The following CEP250 variants were observed in gnomAD, a reference collection of about 807,000 sequenced individuals.
CEP250 encodes centrosome-associated protein CEP250.
A neutral mutation model predicts 315.7 loss-of-function variants in CEP250; 242 were observed. That is an observed-to-expected ratio of 0.77 (90% CI 0.69 to 0.85). The LOEUF (loss-of-function observed/expected upper bound fraction) is 0.85, where lower values mean the gene tolerates loss of function less well. Ranked by LOEUF, CEP250 falls within the 40% of genes least tolerant of loss-of-function variation. The pLI is 0.00. For synonymous variants in CEP250, 1,088 were observed against 1,175.0 expected (o/e 0.93, Z 1.51); for missense variants, 2,515 against 2,886.4 (o/e 0.87, Z 2.95).
intron 17 of CEP250, 112 bp from the exon 18 acceptor site, chr20:35,479,119 G>T (rs2063263006): frequency 2.0e-6 from 2 of 1,023,486 alleles, no homozygotes; most frequent in Non-Finnish European, 2.9e-6. Flanking sequence ...AGCAATCCGG[G>T]CTCACAGAGC....
intron 20 of CEP250, among the ~76,000 whole-genome samples, chr20:35,487,646 C>A (rs910806988): frequency 6.6e-6 from 1 of 151,602 alleles, no homozygotes; most frequent in Non-Finnish European, 1.5e-5. Context: ...ATGGAGAAGT[C>A]ACTCAGGGCT....
chr20:35,504,293 C>T lies in CEP250; in HGVS notation c.5924C>T (p.Ala1975Val), dbSNP rs1324937611. 6.3e-7 allele frequency: 1 copy of T among 1,587,596 alleles called. No individual in the cohort carries two copies. Among genetic ancestry groups the T allele is most frequent in the Non-Finnish European group, 8.6e-7 (1 of 1,167,410 alleles). Residue 1975 changes from alanine (A) to valine (V), a missense_variant, in exon 30 of 35, where the codon GCT becomes GTT. Transcript: ENST00000397527. ...CAGGAGGCCCTTGGCAAGGCTCATG[C>T]TGCCCTGCAGGGGAAAGAGCAGCAT... ...ALQEALGKAH[A>V]ALQGKEQHLL...
intron 12 of CEP250, among the ~76,000 whole-genome samples, chr20:35,473,134 A>AAG (rs2063066594): frequency 6.6e-6 from 1 of 152,126 alleles, no homozygotes. Flanking sequence ...TGAGAGTCTT[A>AAG]GGCACACTTA....
rs1187205660 is a variant in CEP250, at chr20:35,469,850, A to C, written c.852-40A>C. 3 of 1,398,222 alleles carry C rather than the reference A, an allele frequency of 2.1e-6. No homozygotes were observed. The Admixed American group carries it at 5.3e-5, about 25-fold the overall frequency. 86.6% of individuals were successfully genotyped at this position (1,398,222 alleles called of 1,614,324 possible). ...CTGCATCGTAGCTCTGTCCACATCC[A>C]TGGGCTGTTCTGGTGACAGTGCTAT... On this transcript the variant is annotated intron_variant, in intron 9 of 34. Coordinates refer to ENST00000397527, the MANE Select transcript of CEP250 (RefSeq NM_007186.6).
rs1353937985 is a variant in CEP250, at chr20:35,514,642, G to A, written c.*3016G>A. 1 of 152,412 alleles carries A rather than the reference G, an allele frequency of 6.6e-6. No homozygotes were observed. The highest frequency in any genetic ancestry group is 2.4e-5 in the African/African-American group (1 of 41,454). The allele number at this position is 152,412 out of a possible 1,614,324, so 9.4% of individuals were successfully genotyped here. A position where few individuals can be genotyped will look rare whatever the true frequency, so the allele number is the denominator to read the frequency against. ...CACCCTGAAGGCAGAAAAACTGAAT[G>A]TACCCGTTAAAGGAGGAGAAGCTGG... On this transcript the variant is annotated 3_prime_UTR_variant, in exon 35 of 35. Transcript: ENST00000397527.
rs1218320761 is a variant in CEP250 at position 35,504,363 on chromosome 20, T to C, written c.5994T>C (p.Thr1998=). 1 of 1,598,220 alleles carries C rather than the reference T, an allele frequency of 6.3e-7. No individual in the cohort carries two copies. The highest frequency in any genetic ancestry group is 8.5e-7 in the Non-Finnish European group (1 of 1,172,408). The part of the protein sequence containing the change: ...AELSRSLEAS[T]ATLQASLDAC... ...TGAGCCGCAGTCTGGAGGCCAGCAC[T>C]GCAACCCTGCAAGCCTCCCTGGATG... Residue 1998 remains threonine, a synonymous_variant, in exon 30 of 35, where the codon ACT becomes ACC. Coordinates refer to ENST00000397527, the MANE Select transcript of CEP250 (RefSeq NM_007186.6).
chr20:35,465,075 G>T (rs1017696954), intron 5 of CEP250, among the ~76,000 whole-genome samples: 1 of 152,132 alleles, frequency 6.6e-6, no homozygotes, highest in East Asian at 1.9e-4. Flanking sequence ...TGAAGGGAAC[G>T]ATATACCGCT....
chr20:35,511,825 AT>A lies in CEP250; in HGVS notation c.*202del. 1 of 1,405,590 alleles carries A rather than the reference AT, an allele frequency of 7.1e-7. No individual in the cohort carries two copies. The highest frequency in any genetic ancestry group is 9.2e-7 in the Non-Finnish European group (1 of 1,083,982). The allele number at this position is 1,405,590 out of a possible 1,614,324, so 87.1% of individuals were successfully genotyped here. On this transcript the variant is annotated 3_prime_UTR_variant, in exon 35 of 35. Transcript: ENST00000397527. The stretch of plus-strand genomic sequence containing the variant: ...CTCACCTGGGAATGAGGCAAATTGC[AT>A]TTGCTTGCTCCCTATGGAATCACCC...
At position 35,479,339 on chromosome 20, in the gene CEP250, G is replaced by A. The variant is rs772323517; in HGVS notation, c.2203G>A (p.Val735Ile). 1.2e-6 allele frequency: 2 copies of A among 1,614,240 alleles called. No homozygotes were observed. The highest frequency in any genetic ancestry group is 8.5e-7 in the Non-Finnish European group (1 of 1,180,048). ...GGCAGTCCAGGAGAAGGAGGCCCTA[G>A]TACGAGAGAAAGCGGCTCTAGAGGT... ...ARAVQEKEAL[V>I]REKAALEVRL... Residue 735 changes from valine (V) to isoleucine (I), a missense_variant, in exon 18 of 35, where the codon GTA (valine) becomes ATA (isoleucine). Val to Ile is a conservative substitution (Grantham distance 29). Coordinates refer to ENST00000397527, the MANE Select transcript of CEP250 (RefSeq NM_007186.6).
At chr20:35,502,294 C>A in intron 29 of CEP250, 96 bp from the exon 30 acceptor site, 1 of 1,130,410 alleles carries the variant, frequency 8.8e-7, no homozygotes, top group Non-Finnish European at 1.2e-6. Context: ...GTCCTTATCA[C>A]TGCTAGTGCC....
Position 35,467,328 on chromosome 20 carries a change from G to A in CEP250, c.624G>A (p.Glu208=). 6.2e-7 allele frequency: 1 copy of A among 1,613,948 alleles called. No individual in the cohort carries two copies. Among genetic ancestry groups the A allele is most frequent in the Non-Finnish European group, 8.5e-7 (1 of 1,179,846 alleles). ...GAGATCTGATGGAGCTAAAAGCTGAGCATGTGAGGCTTTCAGGGTCTCTGT... is the reference window on the plus strand; with the variant it reads ...GAGATCTGATGGAGCTAAAAGCTGAACATGTGAGGCTTTCAGGGTCTCTGT... ...TDRDLMELKA[E]HVRLSGSLLT... The change falls in exon 9 of 35, where the codon GAG becomes GAA. Residue 208 remains glutamate (E), a synonymous_variant. Coordinates refer to ENST00000397527, the MANE Select transcript of CEP250 (RefSeq NM_007186.6).
intron 32 of CEP250, 56 bp from the exon 33 acceptor site, chr20:35,508,887 T>A: frequency 7.0e-7 from 1 of 1,437,434 alleles, no homozygotes. Flanking sequence ...GAAAGGCAGC[T>A]CTGCTCCAAC....
At chr20:35,480,348 A>G (rs1361841386) in intron 20 of CEP250, among the ~76,000 whole-genome samples, 1 of 152,140 alleles carries the variant, frequency 6.6e-6, no homozygotes, top group Non-Finnish European at 1.5e-5. Context: ...TGTGTTAGCC[A>G]TTATTATTGT....
At chr20:35,466,386 G>T (rs2062878307) in intron 7 of CEP250, among the ~76,000 whole-genome samples, 182 bp downstream of exon 7, 2 of 152,194 alleles carry the variant, frequency 1.3e-5, no homozygotes. Flanking sequence ...CTTCAGCTTA[G>T]ACCTGCCACT....
intron 20 of CEP250, among the ~76,000 whole-genome samples, chr20:35,488,976 A>C (rs1301376511): frequency 6.6e-6 from 1 of 152,108 alleles, no homozygotes; most frequent in African/African-American, 2.4e-5. Context: ...ACTTGAGGTT[A>C]GGAGTTCAAA....
In CEP250 at chr20:35,510,029, A is replaced by AGT. The variant is rs1488450355; in HGVS notation, c.7046_7047dup (p.Ala2350TrpfsTer15). 1 of 1,614,228 alleles carries AGT rather than the reference A, an allele frequency of 6.2e-7. No individual in the cohort carries two copies. The highest frequency in any genetic ancestry group is 1.1e-5 in the South Asian group (1 of 91,088). On this transcript the variant is annotated frameshift_variant, in exon 34 of 35. Transcript: ENST00000397527. LOFTEE classifies it high-confidence loss of function. Reference sequence around the variant, plus strand: ...AGAGGACAGAAGAACTCAGATGCCAAGTGTGTGGCTGAACTGCAGAAAGAG... The same window carrying AGT: ...AGAGGACAGAAGAACTCAGATGCCAAGTGTGTGTGGCTGAACTGCAGAAAGAG...
At chr20:35,508,402 C>T (rs1287123158) in intron 32 of CEP250, among the ~76,000 whole-genome samples, 1 of 151,960 alleles carries the variant, frequency 6.6e-6, no homozygotes, top group Admixed American at 6.5e-5. Flanking sequence ...GCAACCTCCA[C>T]CTCCCGGGTT....
chr20:35,466,245 G>A, intron 7 of CEP250, 41 bp downstream of exon 7: 1 of 1,549,934 alleles, frequency 6.5e-7, no homozygotes, highest in South Asian at 1.2e-5. Context: ...GGAAGCCTGT[G>A]TATTCTGGAT....
In CEP250 at chr20:35,504,061, G is replaced by A. The variant is rs1247685787; in HGVS notation, c.5692G>A (p.Glu1898Lys). Residue 1898 changes from glutamate (E) to lysine (K), a missense_variant, in exon 30 of 35, where the codon GAA becomes AAA. Transcript: ENST00000397527. Reference protein sequence around the residue: ...VLGDLRAESREQEKALLALQQ... With the variant: ...VLGDLRAESRKQEKALLALQQ... Reference sequence around the variant, plus strand: ...GGGAGACCTAAGGGCTGAGTCTCGGGAACAGGAGAAAGCTCTGTTGGCCCT... The same window carrying A: ...GGGAGACCTAAGGGCTGAGTCTCGGAAACAGGAGAAAGCTCTGTTGGCCCT... The A allele has an allele frequency of 2.5e-6, 4 of 1,606,592 alleles. No homozygotes were observed. Among genetic ancestry groups the A allele is most frequent in the African/African-American group, 2.7e-5 (2 of 74,668 alleles).
Sources: allele counts gnomAD v4.1 joint callset (sites outside exome capture counted in the v4.1 genomes callset), GRCh38; gene constraint gnomAD v4.1.1; transcripts MANE v1.5; gene names NCBI Gene and HGNC (gene_info 2026-07-23, HGNC 2026-07-21).